ETNPPL: variants seen among roughly 807,000 people sequenced by gnomAD.
The protein encoded by ETNPPL is alanine--glyoxylate aminotransferase 2-like 1.
In ETNPPL, 30 loss-of-function variants were observed where a neutral mutation model predicts 55.5. That is an observed-to-expected ratio of 0.54 (90% confidence interval 0.40 to 0.73). The LOEUF (loss-of-function observed/expected upper bound fraction) is 0.73, where lower values mean the gene tolerates loss of function less well. Ranked by LOEUF, ETNPPL falls within the 30% of genes least tolerant of loss-of-function variation. The pLI is 0.00. For missense variants in ETNPPL, 528 were observed against 607.9 expected (o/e 0.87, Z 1.38); for synonymous variants, 202 against 207.2 (o/e 0.98, Z 0.21).
intron 5 of ETNPPL, 100 bp downstream of exon 5, chr4:108,754,520 G>C: frequency 1.4e-6 from 1 of 697,642 alleles, no homozygotes; most frequent in Non-Finnish European, 2.5e-6. Context: ...CTTGATTTTA[G>C]TTTCTCTTTC....
chr4:108,749,138 G>A, intron 8 of ETNPPL, 100 bp downstream of exon 8: 1 of 824,400 alleles, frequency 1.2e-6, no homozygotes, highest in Admixed American at 2.8e-5. Context: ...TGGGTGGTTA[G>A]CCGGCAATAC....
intron 1 of ETNPPL, 64 bp downstream of exon 1, chr4:108,762,779 C>G (rs766910928): frequency 1.9e-6 from 3 of 1,568,020 alleles, no homozygotes; most frequent in Non-Finnish European, 1.8e-6. Flanking sequence ...GGCTTTCTCT[C>G]TCCACCTTCT....
intron 11 of ETNPPL, among the ~76,000 whole-genome samples, chr4:108,745,337 A>G (rs1303038223): frequency 1.3e-5 from 2 of 152,132 alleles, no homozygotes; most frequent in Non-Finnish European, 2.9e-5. Flanking sequence ...TGGCTCATGC[A>G]TGTAATCTCA....
chr4:108,760,541 T>C (rs977713117), intron 1 of ETNPPL, among the ~76,000 whole-genome samples: 1 of 152,164 alleles, frequency 6.6e-6, no homozygotes. Flanking sequence ...ATGCCATGAT[T>C]TGACAATTTA....
intron 1 of ETNPPL, chr4:108,762,625 C>A: frequency 1.5e-6 from 1 of 654,356 alleles, no homozygotes; most frequent in Non-Finnish European, 2.8e-6. Flanking sequence ...CGGGGACTTT[C>A]GAGCGGGCAG....
chr4:108,762,552 G>C (rs1729559446), intron 1 of ETNPPL: 1 of 641,644 alleles, frequency 1.6e-6, no homozygotes, highest in South Asian at 1.7e-5. Context: ...GCTATTGGCC[G>C]TCATCCACCA....
chr4:108,757,206 G>A (rs1322082971), intron 3 of ETNPPL, among the ~76,000 whole-genome samples: 1 of 152,096 alleles, frequency 6.6e-6, no homozygotes, highest in Non-Finnish European at 1.5e-5. Context: ...TCTATAAAAT[G>A]AGTATCAAAT....
intron 3 of ETNPPL, among the ~76,000 whole-genome samples, chr4:108,758,881 T>C (rs564693709): frequency 1.5e-3 from 228 of 152,216 alleles, no homozygotes; most frequent in Middle Eastern, 0.01. Flanking sequence ...AGAAACTCCA[T>C]CTCTACTAGA....
At chr4:108,762,584 C>T (rs899002990) in intron 1 of ETNPPL, 1 of 625,106 alleles carries the variant, frequency 1.6e-6, no homozygotes, top group East Asian at 2.8e-5. Context: ...CGGCCGGCAG[C>T]CCCCGCTAGT....
At chr4:108,754,532 T>C (rs1349548878) in intron 5 of ETNPPL, 88 bp downstream of exon 5, 1 of 753,186 alleles carries the variant, frequency 1.3e-6, no homozygotes, top group Non-Finnish European at 2.3e-6. Context: ...TTCTCTTTCA[T>C]GGTTCATCTA....
chr4:108,743,043 C>T (rs995489985), intron 12 of ETNPPL, among the ~76,000 whole-genome samples: 1 of 152,100 alleles, frequency 6.6e-6, no homozygotes, highest in African/African-American at 2.4e-5. Flanking sequence ...ATGCTGTTAG[C>T]GAATCACTTG....
At chr4:108,746,662 T>G (rs1201176334) in intron 10 of ETNPPL, 100 bp downstream of exon 10, 1 of 1,493,486 alleles carries the variant, frequency 6.7e-7, no homozygotes, top group African/African-American at 1.4e-5. Flanking sequence ...GTATTTAAAC[T>G]TTCCTTTTTC....
chr4:108,743,086 T>C (rs1448443595), intron 12 of ETNPPL, among the ~76,000 whole-genome samples: 1 of 152,218 alleles, frequency 6.6e-6, no homozygotes, highest in Non-Finnish European at 1.5e-5. Context: ...ATTTTAATCA[T>C]GAAAAAAGAC....
chr4:108,752,075 T>A (rs1353679883), intron 6 of ETNPPL, among the ~76,000 whole-genome samples: 1 of 152,090 alleles, frequency 6.6e-6, no homozygotes, highest in Admixed American at 6.5e-5. Context: ...TGCACAGATG[T>A]TTCACATAAG....
intron 2 of ETNPPL, 40 bp downstream of exon 2, chr4:108,760,148 G>T (rs1729439616): frequency 7.2e-7 from 1 of 1,389,666 alleles, no homozygotes; most frequent in Non-Finnish European, 1.0e-6. Context: ...TTTACTCCAT[G>T]AACATTTCCT....
chr4:108,752,793 G>C lies in ETNPPL; in HGVS notation c.618+102C>G, dbSNP rs1021234478. ...AACGTAACTAGAGAAGAACAGAAAGGGACATTAGATATAATCCTTTTCCAT... is the reference window on the plus strand; with the variant it reads ...AACGTAACTAGAGAAGAACAGAAAGCGACATTAGATATAATCCTTTTCCAT... On this transcript the variant is annotated intron_variant, in intron 6 of 12. Transcript: ENST00000296486. 1.4e-5 allele frequency: 10 copies of C among 710,336 alleles called. No individual in the cohort carries two copies. In the East Asian group the frequency reaches 1.6e-4, roughly 11 times the overall value. The allele number at this position is 710,336 out of a possible 1,614,324, so 44.0% of individuals were successfully genotyped here.
intron 11 of ETNPPL, among the ~76,000 whole-genome samples, chr4:108,744,622 A>G (rs1240402495): frequency 6.6e-6 from 1 of 151,676 alleles, no homozygotes; most frequent in African/African-American, 2.4e-5. Context: ...CCAAACATTC[A>G]CTATTCATAT....
chr4:108,760,083 A>G, intron 2 of ETNPPL, 105 bp downstream of exon 2: 1 of 1,057,348 alleles, frequency 9.5e-7, no homozygotes, highest in Non-Finnish European at 1.4e-6. Context: ...CCACTCAGCA[A>G]AGGAACTGCA....
chr4:108,759,811 A>C lies in ETNPPL; in HGVS notation c.273T>G (p.Tyr91Ter). ...GCAGAGTTGCTGAAAGGCGTTTGGC[A>C]TACTCAACAATGTTGTCGTGGAGGA... ...SRFLHDNIVE[Y>*]AKRLSATLPE... Residue 91 changes from tyrosine (Y) to a stop codon, truncating the protein, a stop_gained, in exon 3 of 13, where the codon TAT becomes TAG. Coordinates refer to ENST00000296486, the MANE Select transcript of ETNPPL (RefSeq NM_031279.4). LOFTEE classifies it high-confidence loss of function. 6.2e-7 allele frequency: 1 copy of C among 1,614,214 alleles called. No individual in the cohort carries two copies. Among genetic ancestry groups the C allele is most frequent in the African/African-American group, 1.3e-5 (1 of 75,064 alleles).
Sources: allele counts gnomAD v4.1 joint callset (sites outside exome capture counted in the v4.1 genomes callset), GRCh38; gene constraint gnomAD v4.1.1; transcripts MANE v1.5; gene names NCBI Gene and HGNC (gene_info 2026-07-23, HGNC 2026-07-21).